Variants in BTG4 observed in about 807,000 individuals in gnomAD.
BTG4 encodes protein BTG4.
A neutral mutation model predicts 19.3 loss-of-function variants in BTG4; 10 were observed. That is an observed-to-expected ratio of 0.52 (90% CI 0.32 to 0.88). The LOEUF (loss-of-function observed/expected upper bound fraction) is 0.88. Ranked by LOEUF, BTG4 falls within the 40% of genes least tolerant of loss-of-function variation. The pLI is 0.04. For missense variants in BTG4, 238 were observed against 281.9 expected (o/e 0.84, Z 1.11); for synonymous variants, 91 against 95.7 (o/e 0.95, Z 0.29).
intron 5 of BTG4, among the ~76,000 whole-genome samples, chr11:111,474,324 C>A (rs1467324952): frequency 6.6e-6 from 1 of 151,896 alleles, no homozygotes; most frequent in Non-Finnish European, 1.5e-5. Context: ...TCTTTAGAAG[C>A]AGCTTATGCC....
the BTG4 span, among the ~76,000 whole-genome samples, chr11:111,398,665 T>A: frequency 8.5e-5 from 13 of 152,142 alleles, no homozygotes; most frequent in African/African-American, 3.1e-4. Context: ...TTTGCATTTC[T>A]ATGTTCCAGG....
chr11:111,512,923 A>G, upstream of BTG4: 1 of 444,878 alleles, frequency 2.2e-6, no homozygotes. Context: ...CGGGAGCTGC[A>G]GCCGCGGGTG....
intron 1 of BTG4, among the ~76,000 whole-genome samples, chr11:111,511,520 T>C (rs563116732): frequency 6.6e-6 from 1 of 152,372 alleles, no homozygotes; most frequent in African/African-American, 2.4e-5. Flanking sequence ...ACTAAGCCTT[T>C]GGTGTCAGCA....
chr11:111,440,982 G>A, the BTG4 span, among the ~76,000 whole-genome samples: 6 of 152,278 alleles, frequency 3.9e-5, no homozygotes, highest in East Asian at 1.9e-4. Context: ...ACAGGCACCC[G>A]CAGACCCATC....
the BTG4 span, chr11:111,454,875 C>A: frequency 2.4e-6 from 1 of 414,788 alleles, no homozygotes. Flanking sequence ...CAGCTGTTGG[C>A]AGCAGGGGGC....
chr11:111,405,022 G>A, the BTG4 span, among the ~76,000 whole-genome samples: 1 of 152,196 alleles, frequency 6.6e-6, no homozygotes, highest in Admixed American at 6.5e-5. Context: ...TGGTCATAGT[G>A]TGGGTGCCTA....
chr11:111,407,457 G>A, the BTG4 span, among the ~76,000 whole-genome samples: 1 of 152,114 alleles, frequency 6.6e-6, no homozygotes, highest in Non-Finnish European at 1.5e-5. Flanking sequence ...GATCACCTGA[G>A]GTCAGGAGTT....
chr11:111,437,109 C>T, the BTG4 span, among the ~76,000 whole-genome samples: 5 of 152,258 alleles, frequency 3.3e-5, no homozygotes, highest in Admixed American at 6.5e-5. Flanking sequence ...GCCTGGCTCC[C>T]AACCTGCTGC....
intron 5 of BTG4, among the ~76,000 whole-genome samples, chr11:111,476,001 C>A (rs1315374591): frequency 6.6e-6 from 1 of 151,976 alleles, no homozygotes; most frequent in East Asian, 1.9e-4. Context: ...GAAACCACCC[C>A]CCATGATTCA....
chr11:111,392,532 A>G, the BTG4 span, among the ~76,000 whole-genome samples: 1 of 152,034 alleles, frequency 6.6e-6, no homozygotes, highest in Non-Finnish European at 1.5e-5. Context: ...AGGGTTTCTG[A>G]TTTGGTAGGT....
At chr11:111,410,726 A>G in the BTG4 span, among the ~76,000 whole-genome samples, 1 of 152,220 alleles carries the variant, frequency 6.6e-6, no homozygotes, top group African/African-American at 2.4e-5. Context: ...CTTAACTCAT[A>G]TAAGCAAATG....
the BTG4 span, among the ~76,000 whole-genome samples, chr11:111,427,666 GAGGGGAGGTCTC>G: frequency 2.6e-5 from 4 of 152,122 alleles, no homozygotes; most frequent in East Asian, 7.7e-4. Context: ...AACTGTGTCT[GAGGGGAGGTCTC>G]AGGGGAGTCT....
chr11:111,456,030 C>T, the BTG4 span, among the ~76,000 whole-genome samples: 1 of 145,018 alleles, frequency 6.9e-6, no homozygotes, highest in African/African-American at 2.6e-5. The surrounding 1 kb of genome is among the most constrained non-coding windows in gnomAD (Gnocchi z 4.2). Flanking sequence ...ACCCCAAGGT[C>T]GGGAGGGGCT....
the BTG4 span, among the ~76,000 whole-genome samples, chr11:111,447,560 C>T: frequency 3.3e-5 from 5 of 152,098 alleles, no homozygotes; most frequent in African/African-American, 9.7e-5. Context: ...CTCACTAAGC[C>T]CAGTTATGCA....
the BTG4 span, among the ~76,000 whole-genome samples, chr11:111,432,855 CT>C: frequency 2.9e-4 from 43 of 150,180 alleles, no homozygotes; most frequent in East Asian, 3.1e-3. Context: ...AGTAATATAT[CT>C]TTTTTTTTTC....
chr11:111,401,463 C>G, the BTG4 span, among the ~76,000 whole-genome samples: 86 of 146,410 alleles, frequency 5.9e-4, no homozygotes, highest in African/African-American at 2.1e-3. Flanking sequence ...GCCTGGGAGA[C>G]AGAGCGAGAC....
chr11:111,386,395 T>A, the BTG4 span: 9 of 152,216 alleles, frequency 5.9e-5, no homozygotes, highest in Admixed American at 5.2e-4. Flanking sequence ...TGATTTGTCA[T>A]CAACTCAGAC....
the BTG4 span, among the ~76,000 whole-genome samples, chr11:111,386,828 T>C: frequency 3.7e-4 from 56 of 152,358 alleles, no homozygotes; most frequent in Admixed American, 4.6e-4. Context: ...CTTTACATAG[T>C]GAGCCAGCTA....
the BTG4 span, among the ~76,000 whole-genome samples, chr11:111,387,877 A>G: frequency 6.6e-6 from 1 of 151,342 alleles, no homozygotes; most frequent in South Asian, 2.1e-4. Context: ...AGGCACAGAG[A>G]CCTTTTTTTT....
Sources: gnomAD v4.1 joint callset for allele counts (sites outside exome capture counted in the v4.1 genomes callset) on GRCh38, gnomAD v4.1.1 for gene constraint, Gnocchi (gnomAD v3.1) non-coding constraint, MANE v1.5 for transcripts, NCBI Gene and HGNC (gene_info 2026-07-23, HGNC 2026-07-21) for gene names.